The following BABAM2 variants were observed in gnomAD, a reference collection of about 807,000 sequenced individuals.
BABAM2 encodes the protein BRISC and BRCA1 A complex member 2, also known as BRISC and BRCA1-A complex member 2.
Under a neutral mutation model 54.7 loss-of-function variants are expected in BABAM2, and 31 were observed. That is an observed-to-expected ratio of 0.57 (90% CI 0.43 to 0.77). BABAM2 has a LOEUF of 0.77. Ranked by LOEUF, BABAM2 falls within the 30% of genes least tolerant of loss-of-function variation. The pLI is 0.00. For missense variants in BABAM2, 364 were observed against 455.8 expected (o/e 0.80, Z 1.83); for synonymous variants, 167 against 162.9 (o/e 1.03, Z -0.19).
chr2:28,028,201 C>T (rs1240252617), intron 5 of BABAM2, among the ~76,000 whole-genome samples: 2 of 152,114 alleles, frequency 1.3e-5, no homozygotes, highest in Non-Finnish European at 2.9e-5. Flanking sequence ...TGTCTGGAGG[C>T]CGCCTTCAAC....
intron 11 of BABAM2, among the ~76,000 whole-genome samples, chr2:28,301,850 C>A (rs1688128955): frequency 6.6e-6 from 1 of 152,152 alleles, no homozygotes; most frequent in Non-Finnish European, 1.5e-5. Context: ...AAGGAAATGG[C>A]TTTGCATATA....
intron 7 of BABAM2, among the ~76,000 whole-genome samples, chr2:28,197,730 T>G (rs1677766131): frequency 6.6e-6 from 1 of 152,164 alleles, no homozygotes. Context: ...TTTCTCCCAG[T>G]ATGTATGACT....
intron 4 of BABAM2, among the ~76,000 whole-genome samples, chr2:28,022,415 AG>A (rs1215758771): frequency 5.3e-5 from 8 of 152,240 alleles, no homozygotes; most frequent in Admixed American, 2.6e-4. Context: ...CTAGTTAACT[AG>A]TCTTTAAAAA....
chr2:28,288,386 C>T (rs910073879), intron 10 of BABAM2, among the ~76,000 whole-genome samples: 1 of 148,054 alleles, frequency 6.8e-6, no homozygotes. Context: ...AGTGCAATGG[C>T]GTGATCTCAC....
At chr2:28,323,717 A>C (rs996971804) in intron 11 of BABAM2, among the ~76,000 whole-genome samples, 1 of 152,164 alleles carries the variant, frequency 6.6e-6, no homozygotes, top group African/African-American at 2.4e-5. Context: ...ATTGCCCCTC[A>C]TCAACCCTAG....
At chr2:28,212,334 T>C (rs1679538856) in intron 7 of BABAM2, among the ~76,000 whole-genome samples, 1 of 152,228 alleles carries the variant, frequency 6.6e-6, no homozygotes, top group African/African-American at 2.4e-5. Flanking sequence ...TTCCTAGCAA[T>C]TCTTTTGTTC....
chr2:27,954,310 A>G (rs1176779468), intron 3 of BABAM2, among the ~76,000 whole-genome samples: 1 of 152,202 alleles, frequency 6.6e-6, no homozygotes, highest in Non-Finnish European at 1.5e-5. Context: ...ATACCATAAA[A>G]CAGCTTTAAA....
At chr2:28,173,080 C>A (rs1394367467) in intron 7 of BABAM2, among the ~76,000 whole-genome samples, 1 of 152,108 alleles carries the variant, frequency 6.6e-6, no homozygotes, top group East Asian at 1.9e-4. Flanking sequence ...GGGCCCTACC[C>A]TCATAACATT....
chr2:28,149,337 C>T (rs1671803832), intron 7 of BABAM2, among the ~76,000 whole-genome samples: 1 of 152,134 alleles, frequency 6.6e-6, no homozygotes, highest in Non-Finnish European at 1.5e-5. Flanking sequence ...AGAGTGATGG[C>T]CTTCATTCCC....
At chr2:27,999,295 G>A (rs1673399491) in intron 4 of BABAM2, among the ~76,000 whole-genome samples, 1 of 151,866 alleles carries the variant, frequency 6.6e-6, no homozygotes, top group Admixed American at 6.6e-5. Flanking sequence ...AGACTTTATG[G>A]AAGAAGAAGG....
chr2:28,307,702 T>C (rs1688682291), intron 11 of BABAM2: 1 of 152,230 alleles, frequency 6.6e-6, no homozygotes, highest in Non-Finnish European at 1.5e-5. Flanking sequence ...TGTTATTACT[T>C]TGGCTTTTAA....
intron 4 of BABAM2, among the ~76,000 whole-genome samples, chr2:27,993,984 C>T (rs778632941): frequency 2.6e-5 from 4 of 152,196 alleles, no homozygotes; most frequent in South Asian, 4.1e-4. Flanking sequence ...AACGCTATCC[C>T]GATGGATGGT....
intron 7 of BABAM2, among the ~76,000 whole-genome samples, chr2:28,170,797 G>T (rs1674233646): frequency 6.6e-6 from 1 of 152,106 alleles, no homozygotes; most frequent in African/African-American, 2.4e-5. Flanking sequence ...GAATGGAAAA[G>T]AATTTAACTT....
intron 6 of BABAM2, among the ~76,000 whole-genome samples, chr2:28,126,327 T>C (rs879800273): frequency 9.4e-4 from 120 of 127,696 alleles, no homozygotes; most frequent in Non-Finnish European, 1.5e-3. Context: ...CAGAGTGTGA[T>C]GTTCCCCTTC....
intron 2 of BABAM2, 112 bp downstream of exon 2, chr2:27,894,796 G>C (rs770719341): frequency 1.7e-4 from 206 of 1,242,470 alleles, no homozygotes; most frequent in Non-Finnish European, 2.2e-4. Flanking sequence ...AACCCACCAA[G>C]TCATCATCTC....
intron 10 of BABAM2, among the ~76,000 whole-genome samples, chr2:28,257,040 G>T (rs1318612431): frequency 6.6e-6 from 1 of 152,104 alleles, no homozygotes; most frequent in Non-Finnish European, 1.5e-5. Flanking sequence ...GTATTGTACT[G>T]TTGGCATCTC....
Position 28,323,059 on chromosome 2 carries a change from G to GC in BABAM2, c.1089-15385dup, listed in dbSNP as rs373508649. Among the ~76,000 whole-genome samples the GC allele has an allele frequency of 2.9e-3, 435 of 152,304 alleles. 5 individuals are homozygous for GC. The highest frequency in any genetic ancestry group is 9.6e-3 in the African/African-American group (400 of 41,558). On this transcript the variant is annotated intron_variant, in intron 11 of 11. Coordinates refer to ENST00000379624, the MANE Select transcript of BABAM2 (RefSeq NM_199191.3). ...CTCTGCCCGTGGCTGTGAAAGCAGA[G>GC]CCCCCCACTCTCATCCAGGGTGAGC... is the stretch of plus-strand genomic sequence containing the variant.
chr2:28,252,827 G>A (rs1035569332), intron 10 of BABAM2, among the ~76,000 whole-genome samples: 1 of 152,224 alleles, frequency 6.6e-6, no homozygotes, highest in Admixed American at 6.5e-5. Flanking sequence ...GCCAAAGCAA[G>A]TGTTTCTGAT....
At chr2:28,311,478 A>G (rs911662878) in intron 11 of BABAM2, among the ~76,000 whole-genome samples, 1 of 152,228 alleles carries the variant, frequency 6.6e-6, no homozygotes, top group East Asian at 1.9e-4. Flanking sequence ...GATAAACCAT[A>G]GTAGGAACAT....
Sources: allele counts gnomAD v4.1 joint callset (sites outside exome capture counted in the v4.1 genomes callset), GRCh38; gene constraint gnomAD v4.1.1; transcripts MANE v1.5; gene names NCBI Gene and HGNC (gene_info 2026-07-23, HGNC 2026-07-21).